The following DCC variants were observed in gnomAD, a reference collection of about 807,000 sequenced individuals.
The protein encoded by DCC is netrin receptor DCC.
A neutral mutation model predicts 172.5 loss-of-function variants in DCC; 58 were observed. The observed-to-expected ratio is 0.34, with a 90% CI of 0.27 to 0.42. The LOEUF (loss-of-function observed/expected upper bound fraction) is 0.42. Among genes scored for constraint, DCC ranks in the 10% least tolerant of loss-of-function variants. The probability of loss-of-function intolerance (pLI) is 1.00; values close to 1 mark genes in which losing one functional copy is unlikely to be tolerated. For synonymous variants in DCC, 709 were observed against 644.5 expected (o/e 1.10, Z -1.52); for missense variants, 1,740 against 1,791.0 (o/e 0.97, Z 0.51).
chr18:52,753,021 T>C (rs549836453), intron 2 of DCC, among the ~76,000 whole-genome samples: 4 of 152,196 alleles, frequency 2.6e-5, no homozygotes, highest in African/African-American at 9.6e-5. Context: ...ATATCTCATA[T>C]TTTCTTTACC....
chr18:53,083,216 G>A (rs2042830917), intron 7 of DCC, among the ~76,000 whole-genome samples: 1 of 152,060 alleles, frequency 6.6e-6, no homozygotes, highest in South Asian at 2.1e-4. Flanking sequence ...GTGTGCTAGA[G>A]ATGGCATACT....
intron 2 of DCC, among the ~76,000 whole-genome samples, chr18:52,795,520 G>A (rs995521139): frequency 6.6e-6 from 1 of 151,744 alleles, no homozygotes; most frequent in Non-Finnish European, 1.5e-5. Flanking sequence ...AATCTAGCTA[G>A]CAGTTTAAAA....
intron 15 of DCC, among the ~76,000 whole-genome samples, chr18:53,375,998 G>T (rs2058106584): frequency 6.6e-6 from 1 of 152,100 alleles, no homozygotes; most frequent in Non-Finnish European, 1.5e-5. Context: ...TTGATGAGGT[G>T]ATTGCAACTG....
At chr18:53,107,550 A>T (rs1271731497) in intron 7 of DCC, among the ~76,000 whole-genome samples, 1 of 151,428 alleles carries the variant, frequency 6.6e-6, no homozygotes, top group East Asian at 1.9e-4. Context: ...GGAAAAAAAA[A>T]AAAAGAGGAA....
intron 14 of DCC, 39 bp from the exon 15 acceptor site, chr18:53,339,674 T>C: frequency 2.6e-6 from 4 of 1,519,002 alleles, no homozygotes; most frequent in Non-Finnish European, 3.7e-6. Context: ...ACATTTTCTG[T>C]TATGAGACAT....
intron 1 of DCC, among the ~76,000 whole-genome samples, chr18:52,476,085 T>C (rs1420098606): frequency 6.6e-6 from 1 of 152,158 alleles, no homozygotes; most frequent in Non-Finnish European, 1.5e-5. Context: ...CAACCAGCAG[T>C]CTCACAAAAA....
At chr18:53,047,488 T>A (rs1431374599) in intron 5 of DCC, among the ~76,000 whole-genome samples, 26 of 80,410 alleles carry the variant, frequency 3.2e-4, no homozygotes, top group African/African-American at 6.3e-4. Context: ...GAGGAATCTT[T>A]TTTTTATTAA....
chr18:53,440,602 C>A (rs1912214802), intron 22 of DCC, among the ~76,000 whole-genome samples: 1 of 151,572 alleles, frequency 6.6e-6, no homozygotes, highest in African/African-American at 2.4e-5. Flanking sequence ...AGGTTGGTAA[C>A]TATTAGAAGA....
At chr18:53,331,453 T>C (rs2057528889) in intron 14 of DCC, among the ~76,000 whole-genome samples, 1 of 152,028 alleles carries the variant, frequency 6.6e-6, no homozygotes, top group Non-Finnish European at 1.5e-5. Flanking sequence ...TCTAGTGAGG[T>C]TTTGCAATAG....
At chr18:52,655,096 C>T (rs2144932882) in intron 1 of DCC, among the ~76,000 whole-genome samples, 1 of 152,202 alleles carries the variant, frequency 6.6e-6, no homozygotes, top group African/African-American at 2.4e-5. Flanking sequence ...ATCACCTTCA[C>T]CTTTAAACAG....
intron 1 of DCC, among the ~76,000 whole-genome samples, chr18:52,731,495 T>A (rs2036641890): frequency 6.6e-6 from 1 of 152,212 alleles, no homozygotes; most frequent in Non-Finnish European, 1.5e-5. Context: ...TTTCAGCATG[T>A]CTCCCTCTAT....
At chr18:53,213,313 T>C (rs567980503) in intron 11 of DCC, among the ~76,000 whole-genome samples, 1 of 152,270 alleles carries the variant, frequency 6.6e-6, no homozygotes, top group Admixed American at 6.5e-5. Context: ...GACATGTCAG[T>C]ATTACAACAT....
intron 1 of DCC, among the ~76,000 whole-genome samples, chr18:52,713,347 A>G (rs1285670856): frequency 6.6e-6 from 1 of 152,246 alleles, no homozygotes; most frequent in East Asian, 1.9e-4. Context: ...TCTGAAAACC[A>G]TGGGAACCAG....
At position 53,511,827 on chromosome 18, in the gene DCC, C is replaced by CTGAT. The variant is rs763464445; in HGVS notation, c.4111+12320_4111+12323dup. On this transcript the variant is annotated intron_variant, in intron 27 of 28. Transcript: ENST00000442544. ...AGGGTCCTACGCCCACGGAGTCTCG[C>CTGAT]TGATTGCTAGCACAGCACGGCAGTC... Among the ~76,000 whole-genome samples the CTGAT allele has an allele frequency of 8.1e-4, 123 of 151,508 alleles. 4 individuals are homozygous for CTGAT. Among genetic ancestry groups the CTGAT allele is most frequent in the Non-Finnish European group, 3.7e-4 (25 of 68,028 alleles).
chr18:52,786,910 A>T (rs949002902), intron 2 of DCC, among the ~76,000 whole-genome samples: 2 of 152,086 alleles, frequency 1.3e-5, no homozygotes, highest in Non-Finnish European at 2.9e-5. Context: ...CAGTTTTCCA[A>T]TTGTGTCCCA....
At chr18:53,491,252 A>G (rs531331718) in intron 26 of DCC, among the ~76,000 whole-genome samples, 21 of 152,340 alleles carry the variant, frequency 1.4e-4, no homozygotes, top group Admixed American at 1.2e-3. Flanking sequence ...AAGAAAATTC[A>G]GTGGCGTAAT....
chr18:52,608,322 A>C (rs534234743), intron 1 of DCC, among the ~76,000 whole-genome samples: 19 of 152,296 alleles, frequency 1.2e-4, no homozygotes, highest in Non-Finnish European at 2.1e-4. Flanking sequence ...ATTCAGCTTG[A>C]AATCTTTACA....
chr18:52,434,421 A>T (rs959185682), intron 1 of DCC, among the ~76,000 whole-genome samples: 4 of 152,218 alleles, frequency 2.6e-5, no homozygotes, highest in Admixed American at 2.6e-4. Flanking sequence ...AAAAATGTCA[A>T]TAATGCCCAC....
chr18:53,264,648 G>A (rs1289912958), intron 12 of DCC, among the ~76,000 whole-genome samples: 2 of 152,050 alleles, frequency 1.3e-5, no homozygotes, highest in African/African-American at 2.4e-5. Context: ...ATTTGGAAAA[G>A]GTGGTATCAG....
Sources: gnomAD v4.1 joint callset for allele counts (sites outside exome capture counted in the v4.1 genomes callset) on GRCh38, gnomAD v4.1.1 for gene constraint, MANE v1.5 for transcripts, NCBI Gene and HGNC (gene_info 2026-07-23, HGNC 2026-07-21) for gene names.